Variants in PLPPR1 observed in about 807,000 individuals in gnomAD.
PLPPR1 encodes phospholipid phosphatase related 1.
A neutral mutation model predicts 33.1 loss-of-function variants in PLPPR1; 10 were observed. The observed-to-expected ratio is 0.30, with a 90% confidence interval of 0.19 to 0.51. The LOEUF is 0.51. Among genes scored for constraint, PLPPR1 ranks in the 20% least tolerant of loss-of-function variants. The pLI is 0.97. For missense variants in PLPPR1, 304 were observed against 408.1 expected, an observed-to-expected ratio of 0.74 and a Z score of 2.20; for synonymous variants, 151 against 151.0, an observed-to-expected ratio of 1.00 and a Z score of 0.00.
intron 2 of PLPPR1, among the ~76,000 whole-genome samples, chr9:101,246,954 A>T (rs1276131166): frequency 1.3e-5 from 2 of 151,988 alleles, no homozygotes; most frequent in Non-Finnish European, 2.9e-5. Flanking sequence ...GCAGAGGTGC[A>T]AGAGCAGTTA....
intron 3 of PLPPR1, among the ~76,000 whole-genome samples, chr9:101,273,659 A>T (rs919490472): frequency 6.6e-6 from 1 of 152,254 alleles, no homozygotes; most frequent in Admixed American, 6.5e-5. Flanking sequence ...CAAATTTATA[A>T]TTATAAAAGG....
rs1484910007 is a variant in PLPPR1 at position 101,324,296 on chromosome 9, T to G, written c.*239T>G. ...TTTTAAAACCAACAAAATTTTCTTG[T>G]TCAAGCGTGCATTGAAGAACCACAT... On this transcript the variant is annotated 3_prime_UTR_variant, in exon 8 of 8. Transcript: ENST00000374874. 2 of 416,716 alleles carry G rather than the reference T, an allele frequency of 4.8e-6. No homozygotes were observed. Among genetic ancestry groups the G allele is most frequent in the African/African-American group, 4.1e-5 (2 of 49,184 alleles). The allele number at this position is 416,716 out of a possible 1,614,324, so 25.8% of individuals were successfully genotyped here. A position where few individuals can be genotyped will look rare whatever the true frequency, so the allele number is the denominator to read the frequency against.
chr9:101,201,525 C>G (rs756455446), intron 2 of PLPPR1, among the ~76,000 whole-genome samples: 1 of 152,094 alleles, frequency 6.6e-6, no homozygotes, highest in Non-Finnish European at 1.5e-5. Context: ...TGACCTTCAG[C>G]AGGTTACTGA....
chr9:101,309,870 T>C (rs2118955113), intron 5 of PLPPR1, among the ~76,000 whole-genome samples: 1 of 152,276 alleles, frequency 6.6e-6, no homozygotes, highest in South Asian at 2.1e-4. Flanking sequence ...TTCTCACACC[T>C]GCCTAGAAAT....
At chr9:101,308,976 T>A (rs1213176546) in intron 4 of PLPPR1, among the ~76,000 whole-genome samples, 3 of 152,312 alleles carry the variant, frequency 2.0e-5, no homozygotes, top group Non-Finnish European at 4.4e-5. Flanking sequence ...CGTTAGACTG[T>A]GCTTTTTCTA....
intron 2 of PLPPR1, 58 bp downstream of exon 2, chr9:101,185,615 C>G (rs1054472662): frequency 1.9e-6 from 2 of 1,043,764 alleles, no homozygotes; most frequent in Non-Finnish European, 2.9e-6. Flanking sequence ...AGTTTTTATT[C>G]TGATAACTTA....
chr9:101,100,632 T>C (rs1024260880), intron 1 of PLPPR1, among the ~76,000 whole-genome samples: 1 of 151,976 alleles, frequency 6.6e-6, no homozygotes, highest in Non-Finnish European at 1.5e-5. Flanking sequence ...TTCAAGGAAT[T>C]ATTTTCTGAT....
chr9:101,286,607 C>T (rs1588111429), intron 4 of PLPPR1, among the ~76,000 whole-genome samples: 1 of 152,260 alleles, frequency 6.6e-6, no homozygotes, highest in East Asian at 1.9e-4. Flanking sequence ...GACAGACTTC[C>T]CATCCAGTAA....
rs537765912 is a variant in PLPPR1, at chr9:101,125,567, A to C, written c.-45-59883A>C. The C allele has an allele frequency of 1.6e-4, 83 of 508,270 alleles. 5 individuals carry two copies. Among genetic ancestry groups the C allele is most frequent in the South Asian group, 1.5e-3 (83 of 56,286 alleles). 31.5% of individuals were successfully genotyped at this position (508,270 alleles called of 1,614,324 possible). On this transcript the variant is annotated intron_variant, in intron 1 of 7. Transcript: ENST00000374874. The stretch of plus-strand genomic sequence containing the variant: ...AATAGGAAGTGCTGTCTCCTGCCTA[A>C]AGCAGGAAAACCAGAGTTAGGCCCT...
intron 1 of PLPPR1, among the ~76,000 whole-genome samples, chr9:101,097,278 T>A (rs979136764): frequency 1.3e-5 from 2 of 152,156 alleles, no homozygotes; most frequent in Non-Finnish European, 2.9e-5. Flanking sequence ...GGAAAGTGCA[T>A]TTTGAGAACC....
At chr9:101,193,637 A>G (rs1564171884) in intron 2 of PLPPR1, among the ~76,000 whole-genome samples, 1 of 152,208 alleles carries the variant, frequency 6.6e-6, no homozygotes, top group Admixed American at 6.5e-5. Flanking sequence ...TAAATACACC[A>G]TATTTGACAT....
At chr9:101,313,622 T>C (rs1366394803) in intron 6 of PLPPR1, among the ~76,000 whole-genome samples, 1 of 152,190 alleles carries the variant, frequency 6.6e-6, no homozygotes, top group East Asian at 1.9e-4. Flanking sequence ...CTGATTATGT[T>C]TTAGTTCCCC....
rs566337445 is a variant in PLPPR1, at chr9:101,140,215, G to A, written c.-45-45235G>A. Among the ~76,000 whole-genome samples the A allele has an allele frequency of 7.5e-5, 10 of 133,242 alleles. No homozygotes were observed. In the South Asian group the frequency reaches 2.5e-3, roughly 33 times the overall value. 87.4% of individuals were successfully genotyped at this position (133,242 alleles called of 152,430 possible). On this transcript the variant is annotated intron_variant, in intron 1 of 7. Transcript: ENST00000374874. The stretch of plus-strand genomic sequence containing the variant: ...CATTCTCATAAAAATTGCTTTTGAA[G>A]AATAGATTCTGTTTTTTCTAGGGAA...
intron 1 of PLPPR1, among the ~76,000 whole-genome samples, chr9:101,151,750 G>A (rs1022275195): frequency 2.0e-5 from 3 of 152,098 alleles, no homozygotes; most frequent in Non-Finnish European, 2.9e-5. Context: ...CCCTTAGGTC[G>A]AACATGGCCT....
At chr9:101,284,006 G>A (rs1428907987) in intron 3 of PLPPR1, among the ~76,000 whole-genome samples, 3 of 151,956 alleles carry the variant, frequency 2.0e-5, no homozygotes, top group East Asian at 1.9e-4. Flanking sequence ...AGAGAAAAGG[G>A]AACACTTGCA....
intron 1 of PLPPR1, among the ~76,000 whole-genome samples, chr9:101,150,694 TCTC>T (rs921903990): frequency 1.3e-5 from 2 of 152,190 alleles, no homozygotes; most frequent in African/African-American, 4.8e-5. Context: ...GTCATCCTGT[TCTC>T]CTCTGACTGT....
chr9:101,262,851 G>C (rs2118882974), intron 2 of PLPPR1, among the ~76,000 whole-genome samples: 1 of 152,262 alleles, frequency 6.6e-6, no homozygotes, highest in Middle Eastern at 3.4e-3. Flanking sequence ...CATGTCCTTT[G>C]CAAGGACATG....
At chr9:101,059,148 A>G (rs1830312974) in intron 1 of PLPPR1, among the ~76,000 whole-genome samples, 1 of 152,096 alleles carries the variant, frequency 6.6e-6, no homozygotes, top group Non-Finnish European at 1.5e-5. Flanking sequence ...TGATCTTTTC[A>G]TTAATATGTA....
At chr9:101,237,836 T>TATATATATATATATAG (rs370193024) in intron 2 of PLPPR1, among the ~76,000 whole-genome samples, 17 of 129,892 alleles carry the variant, frequency 1.3e-4, no homozygotes, top group African/African-American at 4.7e-4. Flanking sequence ...TATATATATA[T>TATATATATATATATAG]GCTATATATG....
Sources: allele counts gnomAD v4.1 joint callset (sites outside exome capture counted in the v4.1 genomes callset), GRCh38; gene constraint gnomAD v4.1.1; transcripts MANE v1.5; gene names NCBI Gene and HGNC (gene_info 2026-07-23, HGNC 2026-07-21).